The following GPC3 variants were observed in gnomAD, a reference collection of about 807,000 sequenced individuals.
GPC3 encodes glypican-3.
In GPC3, 3 loss-of-function variants were observed where a neutral mutation model predicts 34.4. That is an observed-to-expected ratio of 0.09 (90% CI 0.04 to 0.23). GPC3 has a LOEUF of 0.23. Ranked by LOEUF, GPC3 falls within the 10% of genes least tolerant of loss-of-function variation. GPC3 has a pLI of 1.00. For synonymous variants in GPC3, 177 were observed against 174.0 expected (o/e 1.02, Z -0.13); for missense variants, 351 against 445.6 (o/e 0.79, Z 1.91).
intron 6 of GPC3, among the ~76,000 whole-genome samples, chrX:133,637,790 A>G (rs1263497970): frequency 9.0e-6 from 1 of 110,677 alleles, no homozygotes; most frequent in Non-Finnish European, 1.9e-5. Context: ...ACACAGATGC[A>G]TGCCACCAAG....
At chrX:133,869,828 G>A (rs1227768634) in intron 2 of GPC3, among the ~76,000 whole-genome samples, 11 of 111,638 alleles carry the variant, frequency 9.9e-5, no homozygotes, top group Non-Finnish European at 7.5e-5. Context: ...GGTGGTGGGC[G>A]CCTGTAGTCC....
intron 2 of GPC3, among the ~76,000 whole-genome samples, chrX:133,913,020 C>CT (rs2076207900): frequency 9.8e-6 from 1 of 102,281 alleles, no homozygotes; most frequent in African/African-American, 3.7e-5. Context: ...TGCCACTGCA[C>CT]TCCAGCCTGG....
At chrX:133,961,216 G>C (rs978030598) in intron 1 of GPC3, among the ~76,000 whole-genome samples, 2 of 111,151 alleles carry the variant, frequency 1.8e-5, no homozygotes, top group Non-Finnish European at 3.8e-5. Flanking sequence ...TGCAGAGGGC[G>C]CACCTGGGTA....
chrX:133,749,201 C>A (rs368662333), intron 3 of GPC3, among the ~76,000 whole-genome samples: 1 of 112,276 alleles, frequency 8.9e-6, no homozygotes, highest in East Asian at 2.8e-4. Context: ...GCGGAGGTTG[C>A]AGTGAGCCAA....
intron 2 of GPC3, among the ~76,000 whole-genome samples, chrX:133,881,891 G>C (rs2076043111): frequency 8.9e-6 from 1 of 112,494 alleles, no homozygotes; most frequent in East Asian, 2.8e-4. Context: ...AAGATCTGCT[G>C]GTTTTCAATA....
chrX:133,551,996 A>G (rs2069437680), intron 7 of GPC3, among the ~76,000 whole-genome samples: 1 of 112,822 alleles, frequency 8.9e-6, no homozygotes, highest in Admixed American at 9.4e-5. Flanking sequence ...TTGGATTTAA[A>G]AGAAATTAAG....
At chrX:133,903,128 G>T (rs2076152115) in intron 2 of GPC3, among the ~76,000 whole-genome samples, 1 of 105,117 alleles carries the variant, frequency 9.5e-6, no homozygotes, top group Admixed American at 1.0e-4. Flanking sequence ...TCCAGCCTGG[G>T]CAATAGAGTG....
chrX:133,615,115 G>A (rs1462175146), intron 6 of GPC3, among the ~76,000 whole-genome samples: 1 of 111,593 alleles, frequency 9.0e-6, no homozygotes, highest in Non-Finnish European at 1.9e-5. Flanking sequence ...ACTACCAAAT[G>A]GTAAACTATA....
chrX:133,560,023 C>T (rs865908194), intron 7 of GPC3, among the ~76,000 whole-genome samples: 10 of 111,505 alleles, frequency 9.0e-5, no homozygotes, highest in Middle Eastern at 4.6e-3. Context: ...TAGTCACTGA[C>T]GGACAGGAAT....
intron 2 of GPC3, among the ~76,000 whole-genome samples, chrX:133,885,713 A>G (rs1355992798): frequency 1.8e-5 from 2 of 112,057 alleles, no homozygotes; most frequent in Non-Finnish European, 3.8e-5. Flanking sequence ...AAGAAAAAAT[A>G]GAAAGATCAG....
At chrX:133,878,177 C>T (rs1190198245) in intron 2 of GPC3, among the ~76,000 whole-genome samples, 5 of 111,763 alleles carry the variant, frequency 4.5e-5, no homozygotes, top group African/African-American at 9.8e-5. Context: ...CCTGTAATCC[C>T]AGCACTTTGG....
chrX:133,929,900 T>C (rs2076291325), intron 2 of GPC3, among the ~76,000 whole-genome samples: 1 of 112,157 alleles, frequency 8.9e-6, no homozygotes, highest in African/African-American at 3.2e-5. Context: ...ACACAAAAGT[T>C]GTTTAGGAAA....
chrX:133,693,557 A>G (rs1195728855), intron 4 of GPC3, among the ~76,000 whole-genome samples: 1 of 111,130 alleles, frequency 9.0e-6, no homozygotes, highest in African/African-American at 3.3e-5. Context: ...CTGGCAGTGG[A>G]GTAATTATTC....
intron 3 of GPC3, among the ~76,000 whole-genome samples, chrX:133,723,229 T>C (rs943219012): frequency 2.7e-5 from 3 of 111,366 alleles, no homozygotes; most frequent in Admixed American, 9.5e-5. Flanking sequence ...CACAGACACA[T>C]GGACATCGGA....
chrX:133,931,092 T>C (rs1054839783), intron 2 of GPC3, among the ~76,000 whole-genome samples: 12 of 111,863 alleles, frequency 1.1e-4, no homozygotes, highest in African/African-American at 3.9e-4. Context: ...ACTGAACATC[T>C]GTAAAACATG....
rs191361939 is a variant in GPC3, at chrX:133,570,092, C to T, written c.1573+26348G>A. Among the ~76,000 whole-genome samples, 32 of 110,871 alleles carry T rather than the reference C, an allele frequency of 2.9e-4. No individual in the cohort carries two copies. The East Asian group carries it at 7.7e-3, about 27-fold the overall frequency. ...ATTTTTAGTAGAGACGGGGTTTCAC[C>T]GTGTTAGTCAGGATGGTCTCGATCT... On this transcript the variant is annotated intron_variant, in intron 7 of 7. Transcript: ENST00000370818.
chrX:133,806,976 G>A (rs1173353619), intron 2 of GPC3, among the ~76,000 whole-genome samples: 1 of 111,650 alleles, frequency 9.0e-6, no homozygotes, highest in African/African-American at 3.3e-5. Flanking sequence ...GGAATTCTGA[G>A]GGTTCACTTA....
intron 2 of GPC3, among the ~76,000 whole-genome samples, chrX:133,917,684 G>A (rs990477992): frequency 4.5e-5 from 5 of 111,636 alleles, no homozygotes; most frequent in Non-Finnish European, 7.5e-5. Context: ...TGTTACATTT[G>A]TCCTAGAGAG....
At chrX:133,649,036 A>G in intron 6 of GPC3, among the ~76,000 whole-genome samples, 1 of 111,721 alleles carries the variant, frequency 9.0e-6, no homozygotes, top group African/African-American at 3.3e-5. Context: ...AAAGTGCTTA[A>G]GTTATCTCTG....
Sources: gnomAD v4.1 joint callset for allele counts (sites outside exome capture counted in the v4.1 genomes callset) on GRCh38, gnomAD v4.1.1 for gene constraint, MANE v1.5 for transcripts, NCBI Gene and HGNC (gene_info 2026-07-23, HGNC 2026-07-21) for gene names.